SNX13: variants seen among roughly 807,000 people sequenced by gnomAD.
The protein encoded by SNX13 is sorting nexin-13.
A neutral mutation model predicts 133.6 loss-of-function variants in SNX13; 45 were observed. The observed-to-expected ratio is 0.34, with a 90% CI of 0.27 to 0.43. The LOEUF (loss-of-function observed/expected upper bound fraction) is 0.43, where lower values mean the gene tolerates loss of function less well. Ranked by LOEUF, SNX13 falls within the 20% of genes least tolerant of loss-of-function variation. SNX13 has a pLI of 1.00. For synonymous variants in SNX13, 414 were observed against 373.9 expected (o/e 1.11, Z -1.24); for missense variants, 1,032 against 1,145.1 (o/e 0.90, Z 1.43).
intron 5 of SNX13, among the ~76,000 whole-genome samples, chr7:17,884,423 TTTTTC>T (rs1269097635): frequency 2.6e-5 from 4 of 152,220 alleles, no homozygotes; most frequent in Non-Finnish European, 5.9e-5. Flanking sequence ...TTATTTGCCA[TTTTTC>T]TTTTCTATTC....
At chr7:17,863,435 A>G (rs1025565090) in intron 9 of SNX13, among the ~76,000 whole-genome samples, 2 of 152,164 alleles carry the variant, frequency 1.3e-5, no homozygotes, top group Non-Finnish European at 2.9e-5. Flanking sequence ...GAGGAAGGAA[A>G]GGGAGGAATA....
At position 17,814,953 on chromosome 7, in the gene SNX13, AAAAAAAAAAAAAAG is replaced by A. The variant is rs1786491653; in HGVS notation, c.1954-23_1954-10del. Reference sequence around the variant, plus strand: ...TCAGGAGCTAACAGTAACTAACAAGAAAAAAAAAAAAAAGAAGAGATTATCTTAAACTGACAGAA... The same window carrying A: ...TCAGGAGCTAACAGTAACTAACAAGAAAGAGATTATCTTAAACTGACAGAA... On this transcript the variant is annotated splice_polypyrimidine_tract_variant and intron_variant, in intron 19 of 25. Coordinates refer to ENST00000428135, the MANE Select transcript of SNX13 (RefSeq NM_015132.5). 1.7e-6 allele frequency: 1 copy of A among 572,708 alleles called. No homozygotes were observed. Among genetic ancestry groups the A allele is most frequent in the African/African-American group, 5.5e-5 (1 of 18,092 alleles). 35.5% of individuals were successfully genotyped at this position (572,708 alleles called of 1,614,324 possible). A position where few individuals can be genotyped will look rare whatever the true frequency, so the allele number is the denominator to read the frequency against.
chr7:17,881,973 G>C (rs1042941645), intron 5 of SNX13: 13 of 152,048 alleles, frequency 8.5e-5, no homozygotes, highest in African/African-American at 3.1e-4. Context: ...TCCACTTTAA[G>C]GATTTAGTTG....
intron 1 of SNX13, among the ~76,000 whole-genome samples, chr7:17,939,598 T>C (rs1026899239): frequency 2.6e-5 from 4 of 152,172 alleles, no homozygotes; most frequent in African/African-American, 7.2e-5. Context: ...TTGCCCTACT[T>C]CCATTTCAGG....
chr7:17,895,576 A>G lies in SNX13; in HGVS notation c.125+1758T>C, dbSNP rs541009354. On this transcript the variant is annotated intron_variant, in intron 2 of 25. Coordinates refer to ENST00000428135, the MANE Select transcript of SNX13 (RefSeq NM_015132.5). Reference sequence around the variant, plus strand: ...TTAATATTCTCTAGAGTTTTTTAGTACCCATTATCCTCTAGTATCCCACCT... The same window carrying G: ...TTAATATTCTCTAGAGTTTTTTAGTGCCCATTATCCTCTAGTATCCCACCT... 1.8e-4 allele frequency among the ~76,000 whole-genome samples: 28 copies of G among 152,260 alleles called. No individual in the cohort carries two copies. The South Asian group carries it at 1.9e-3, about 10-fold the overall frequency.
In SNX13 at chr7:17,792,314, C is replaced by G. The variant is rs918659289; in HGVS notation, c.*1731G>C. ...TGAGAAGAAGAAATACTATTTCTTC[C>G]ACCAGAGCCACTAAGGATCTTTTCT... On this transcript the variant is annotated 3_prime_UTR_variant, in exon 26 of 26. Transcript: ENST00000428135. 9.2e-5 allele frequency: 14 copies of G among 151,980 alleles called. No individual in the cohort carries two copies. The East Asian group carries it at 2.5e-3, about 27-fold the overall frequency. 9.4% of individuals were successfully genotyped at this position (151,980 alleles called of 1,614,324 possible). A position where few individuals can be genotyped will look rare whatever the true frequency, so the allele number is the denominator to read the frequency against.
intron 5 of SNX13, among the ~76,000 whole-genome samples, chr7:17,887,509 A>T (rs1196681212): frequency 1.3e-5 from 2 of 152,202 alleles, no homozygotes; most frequent in African/African-American, 2.4e-5. Context: ...ATAAGATGTT[A>T]TGACTACAAA....
chr7:17,926,206 C>T (rs1029762295), intron 1 of SNX13, among the ~76,000 whole-genome samples: 1 of 152,086 alleles, frequency 6.6e-6, no homozygotes, highest in Non-Finnish European at 1.5e-5. Context: ...ATCTAGGTAA[C>T]TGTATAACGG....
intron 20 of SNX13, among the ~76,000 whole-genome samples, chr7:17,814,123 A>C (rs1205294127): frequency 1.3e-5 from 2 of 152,184 alleles, no homozygotes; most frequent in Non-Finnish European, 2.9e-5. Context: ...AAGAGCAAAC[A>C]TTTATTCAGA....
At chr7:17,887,941 A>T (rs1285611397) in intron 5 of SNX13, among the ~76,000 whole-genome samples, 2 of 152,026 alleles carry the variant, frequency 1.3e-5, no homozygotes, top group Non-Finnish European at 2.9e-5. Flanking sequence ...AATAGAGGTG[A>T]TAGTTTTTGC....
chr7:17,794,116 G>T lies in SNX13; in HGVS notation c.2803C>A (p.Arg935=). ...TTATATTTCTGCATCTGCTTTGACCGTGAATGCAGTTTGTTGAAAAGTTCA... is the reference window on the plus strand; with the variant it reads ...TTATATTTCTGCATCTGCTTTGACCTTGAATGCAGTTTGTTGAAAAGTTCA... ...FRELFNKLHS[R]SKQMQKYKQK... The change falls in exon 26 of 26, where the codon CGG becomes AGG. Residue 935 remains arginine, a synonymous_variant. Transcript: ENST00000428135. 6.2e-7 allele frequency: 1 copy of T among 1,611,576 alleles called. No individual in the cohort carries two copies. Among genetic ancestry groups the T allele is most frequent in the Non-Finnish European group, 8.5e-7 (1 of 1,178,342 alleles).
intron 1 of SNX13, among the ~76,000 whole-genome samples, chr7:17,931,497 G>T (rs895489067): frequency 2.6e-5 from 4 of 152,118 alleles, no homozygotes; most frequent in African/African-American, 9.7e-5. Context: ...ACTCTAGCTC[G>T]AAAATAAAAG....
rs1406965162 is a variant in SNX13 at position 17,834,043 on chromosome 7, C to A, written c.1597+9G>T. ...ATGCATATTATGTGTAAAATGGGTGCCACCTTACCTCCATCCCCATCATCG... is the reference window on the plus strand; with the variant it reads ...ATGCATATTATGTGTAAAATGGGTGACACCTTACCTCCATCCCCATCATCG... On this transcript the variant is annotated intron_variant, in intron 15 of 25. Transcript: ENST00000428135. 3 of 1,513,060 alleles carry A rather than the reference C, an allele frequency of 2.0e-6. No homozygotes were observed. Among genetic ancestry groups the A allele is most frequent in the South Asian group, 2.6e-5 (2 of 76,050 alleles). 93.7% of individuals were successfully genotyped at this position (1,513,060 alleles called of 1,614,324 possible).
chr7:17,873,664 T>C (rs1794373647), intron 7 of SNX13, 48 bp from the exon 8 acceptor site: 1 of 1,155,732 alleles, frequency 8.7e-7, no homozygotes. Context: ...ATATAAAGTC[T>C]ACACTTCCTC....
At chr7:17,927,700 C>A (rs1398929242) in intron 1 of SNX13, among the ~76,000 whole-genome samples, 1 of 152,198 alleles carries the variant, frequency 6.6e-6, no homozygotes, top group African/African-American at 2.4e-5. Context: ...TTCTAACCTT[C>A]TGTCTACCTC....
intron 20 of SNX13, among the ~76,000 whole-genome samples, chr7:17,805,254 T>TGTGCGCGTGCGCGCGC (rs537620797): frequency 7.6e-6 from 1 of 132,440 alleles, no homozygotes; most frequent in Non-Finnish European, 1.6e-5. Flanking sequence ...TGTGTGTGCG[T>TGTGCGCGTGCGCGCGC]GCGCGCGCGC....
At chr7:17,847,417 T>C (rs1790676039) in intron 11 of SNX13, among the ~76,000 whole-genome samples, 3 of 152,192 alleles carry the variant, frequency 2.0e-5, no homozygotes, top group Non-Finnish European at 4.4e-5. Flanking sequence ...CCGCAACCTC[T>C]GCCTCCCAGG....
chr7:17,816,415 A>C (rs891849852), intron 18 of SNX13, 126 bp from the exon 19 acceptor site: 11 of 1,164,148 alleles, frequency 9.4e-6, no homozygotes, highest in African/African-American at 1.6e-5. Flanking sequence ...TAATCCCAGC[A>C]CTTTGGGAGG....
chr7:17,830,667 T>G (rs1171361824), intron 15 of SNX13: 2 of 982,456 alleles, frequency 2.0e-6, no homozygotes, highest in African/African-American at 3.5e-5. Flanking sequence ...AATAAGTCAA[T>G]GCTGGATTAT....
Sources: gnomAD v4.1 joint callset for allele counts (sites outside exome capture counted in the v4.1 genomes callset) on GRCh38, gnomAD v4.1.1 for gene constraint, MANE v1.5 for transcripts, NCBI Gene and HGNC (gene_info 2026-07-23, HGNC 2026-07-21) for gene names.